RYR2: variants seen among roughly 807,000 people sequenced by gnomAD.
The protein encoded by RYR2 is ryanodine receptor 2.
In RYR2, 227 loss-of-function variants were observed where a neutral mutation model predicts 601.1. The observed-to-expected ratio is 0.38, with a 90% CI of 0.34 to 0.42. The LOEUF (loss-of-function observed/expected upper bound fraction) is 0.42. Ranked by LOEUF, RYR2 falls within the 10% of genes least tolerant of loss-of-function variation. RYR2 has a pLI of 1.00. For missense variants in RYR2, 4,646 were observed against 6,156.5 expected, an observed-to-expected ratio of 0.75 and a Z score of 8.21; for synonymous variants, 2,223 against 2,175.1, an observed-to-expected ratio of 1.02 and a Z score of -0.61.
intron 52 of RYR2, 96 bp downstream of exon 52, chr1:237,654,510 G>C: frequency 7.2e-6 from 9 of 1,250,462 alleles, no homozygotes; most frequent in Non-Finnish European, 7.7e-6. Context: ...TACTATCTTT[G>C]CTAACCAAGA....
At chr1:237,677,307 C>T (rs533766313) in intron 60 of RYR2, among the ~76,000 whole-genome samples, 3 of 152,184 alleles carry the variant, frequency 2.0e-5, no homozygotes, top group South Asian at 2.1e-4. Context: ...ATTATTACCT[C>T]GTCTATTAAT....
intron 93 of RYR2, 23 bp from the exon 94 acceptor site, chr1:237,792,082 C>G (rs1658439635): frequency 6.5e-7 from 1 of 1,539,584 alleles, no homozygotes; most frequent in Non-Finnish European, 8.8e-7. Context: ...CAAACTGACT[C>G]TACTTTAAAT....
intron 1 of RYR2, among the ~76,000 whole-genome samples, chr1:237,203,317 ATTG>A (rs762824337): frequency 6.6e-6 from 1 of 152,130 alleles, no homozygotes; most frequent in African/African-American, 2.4e-5. Context: ...AGTTTTAGAA[ATTG>A]TTGTTATTAT....
chr1:237,738,740 A>T (rs974638898), intron 79 of RYR2, among the ~76,000 whole-genome samples: 7 of 151,702 alleles, frequency 4.6e-5, no homozygotes, highest in Non-Finnish European at 1.0e-4. Flanking sequence ...GAGCTTATCC[A>T]TTTACCTTTT....
At chr1:237,090,401 G>T (rs895320160) in intron 1 of RYR2, among the ~76,000 whole-genome samples, 3 of 152,130 alleles carry the variant, frequency 2.0e-5, no homozygotes, top group African/African-American at 7.2e-5. Context: ...CATGAGGGAG[G>T]CAGGGGGATC....
rs375630147 is a variant in RYR2 at position 237,141,322 on chromosome 1, ATCT to A, written c.48+98758_48+98760del. Among the ~76,000 whole-genome samples the A allele has an allele frequency of 5.0e-3, 757 of 152,310 alleles. 5 individuals are homozygous for A. The highest frequency in any genetic ancestry group is 0.017 in the African/African-American group (698 of 41,578). On this transcript the variant is annotated intron_variant, in intron 1 of 104. Transcript: ENST00000366574. ...AGAATCTCTTTGTTGGGTAAAGGAAATCTTCTTATTCCTTGTTTGGTGAGAATT... is the reference window on the plus strand; with the variant it reads ...AGAATCTCTTTGTTGGGTAAAGGAAATCTTATTCCTTGTTTGGTGAGAATT...
chr1:237,063,474 C>T (rs904744961), intron 1 of RYR2, among the ~76,000 whole-genome samples: 7 of 151,968 alleles, frequency 4.6e-5, no homozygotes, highest in Admixed American at 6.5e-5. Flanking sequence ...TTAGTATCTA[C>T]CTTAAATGAA....
chr1:237,818,665 A>G (rs941598045), intron 100 of RYR2, among the ~76,000 whole-genome samples: 1 of 151,966 alleles, frequency 6.6e-6, no homozygotes, highest in African/African-American at 2.4e-5. Context: ...TGTTATGTCC[A>G]AAATAACCAA....
intron 1 of RYR2, among the ~76,000 whole-genome samples, chr1:237,119,541 C>T (rs564841042): frequency 1.3e-5 from 2 of 152,312 alleles, no homozygotes; most frequent in South Asian, 4.1e-4. Context: ...TATCCAGGTG[C>T]AGTGTCAGAT....
chr1:237,277,729 AGG>A (rs1262741086), intron 2 of RYR2, among the ~76,000 whole-genome samples: 1 of 152,150 alleles, frequency 6.6e-6, no homozygotes, highest in African/African-American at 2.4e-5. Context: ...CTGAGGCAGG[AGG>A]ATTGCTTGAG....
chr1:237,774,345 A>C (rs993467664), intron 87 of RYR2, among the ~76,000 whole-genome samples: 2 of 152,152 alleles, frequency 1.3e-5, no homozygotes, highest in South Asian at 4.1e-4. Context: ...ACTAAACATA[A>C]GCTTGTGGGG....
intron 1 of RYR2, among the ~76,000 whole-genome samples, chr1:237,046,717 A>T (rs1211040654): frequency 6.6e-6 from 1 of 152,198 alleles, no homozygotes; most frequent in Non-Finnish European, 1.5e-5. Flanking sequence ...TGAATTACCC[A>T]AGAAAGGACT....
chr1:237,759,843 A>G lies in RYR2; in HGVS notation c.11393A>G (p.Gln3798Arg). 1 of 1,609,988 alleles carries G rather than the reference A, an allele frequency of 6.2e-7. No homozygotes were observed. Among genetic ancestry groups the G allele is most frequent in the Non-Finnish European group, 8.5e-7 (1 of 1,176,934 alleles). The change falls in exon 83 of 105, where the codon CAG becomes CGG. Residue 3798 changes from glutamine (Q) to arginine (R), a missense_variant. Coordinates refer to ENST00000366574, the MANE Select transcript of RYR2 (RefSeq NM_001035.3). The stretch of plus-strand genomic sequence containing the variant: ...TTTCAGAGCCTGGCCGGCCTGATGC[A>G]GTCATGTAGGTAAGGACTCACTTCC... ...GFFQSLAGLM[Q>R]SCSVLDLNAF... is the part of the protein sequence containing the mutation.
chr1:237,350,918 A>G (rs1265197381), intron 3 of RYR2, among the ~76,000 whole-genome samples: 1 of 152,032 alleles, frequency 6.6e-6, no homozygotes, highest in African/African-American at 2.4e-5. Context: ...ATTAATTAAC[A>G]TATGTATTGA....
chr1:237,308,710 G>T (rs978029967), intron 2 of RYR2, among the ~76,000 whole-genome samples: 1 of 152,212 alleles, frequency 6.6e-6, no homozygotes, highest in African/African-American at 2.4e-5. Context: ...AAGCAGTGCA[G>T]ACCCAAAGAG....
intron 1 of RYR2, among the ~76,000 whole-genome samples, chr1:237,171,573 G>A (rs117197268): frequency 6.6e-5 from 10 of 152,226 alleles, no homozygotes; most frequent in African/African-American, 2.2e-4. Flanking sequence ...TTAGGTAACC[G>A]TTCTGTTGAA....
At chr1:237,154,230 A>G (rs545406208) in intron 1 of RYR2, among the ~76,000 whole-genome samples, 25 of 152,274 alleles carry the variant, frequency 1.6e-4, no homozygotes, top group Non-Finnish European at 3.1e-4. Flanking sequence ...ACGTTTCCAA[A>G]CACTCCTAGT....
chr1:237,522,545 G>A (rs1160605907), intron 24 of RYR2, among the ~76,000 whole-genome samples: 1 of 152,158 alleles, frequency 6.6e-6, no homozygotes, highest in Non-Finnish European at 1.5e-5. Flanking sequence ...TTCCCTGTGT[G>A]TGGGAATTAC....
At chr1:237,643,236 G>A (rs773637926) in intron 47 of RYR2, 91 bp from the exon 48 acceptor site, 144 of 1,499,588 alleles carry the variant, frequency 9.6e-5, no homozygotes, top group Non-Finnish European at 1.3e-4. Flanking sequence ...AAATTATTTT[G>A]GACTTGGATT....
Sources: gnomAD v4.1 joint callset for allele counts (sites outside exome capture counted in the v4.1 genomes callset) on GRCh38, gnomAD v4.1.1 for gene constraint, MANE v1.5 for transcripts, NCBI Gene and HGNC (gene_info 2026-07-23, HGNC 2026-07-21) for gene names.